Variants in DLGAP1 observed in about 807,000 individuals in gnomAD.
The protein encoded by DLGAP1 is disks large-associated protein 1.
DLGAP1 carries 11 observed loss-of-function variants against 90.8 expected under a neutral mutation model. The ratio of observed to expected loss-of-function variants is 0.12; its 90% CI spans 0.08 to 0.20. The LOEUF (loss-of-function observed/expected upper bound fraction) is 0.20, where lower values mean the gene tolerates loss of function less well. Among genes scored for constraint, DLGAP1 ranks in the 10% least tolerant of loss-of-function variants. The pLI is 1.00. For synonymous variants in DLGAP1, 558 were observed against 540.7 expected, an observed-to-expected ratio of 1.03 and a Z score of -0.44; for missense variants, 1,050 against 1,333.8, an observed-to-expected ratio of 0.79 and a Z score of 3.31.
intron 5 of DLGAP1, among the ~76,000 whole-genome samples, chr18:3,777,585 CT>C (rs970116217): frequency 1.3e-5 from 2 of 151,886 alleles, no homozygotes; most frequent in Non-Finnish European, 2.9e-5. Flanking sequence ...AGTTCTAAGC[CT>C]TTTTATTTGG....
chr18:4,322,892 C>T (rs1047000061), intron 1 of DLGAP1, among the ~76,000 whole-genome samples: 8 of 127,086 alleles, frequency 6.3e-5, no homozygotes, highest in South Asian at 2.7e-4. Flanking sequence ...ACCCGGGAGG[C>T]GGAGATTGCA....
chr18:3,628,355 G>A (rs1399363551), intron 7 of DLGAP1, among the ~76,000 whole-genome samples: 1 of 151,296 alleles, frequency 6.6e-6, no homozygotes, highest in African/African-American at 2.4e-5. Flanking sequence ...ACACTCAGAC[G>A]ATTTTTGTAT....
intron 4 of DLGAP1, among the ~76,000 whole-genome samples, chr18:3,859,191 A>G (rs965682166): frequency 1.3e-5 from 2 of 152,214 alleles, no homozygotes; most frequent in Admixed American, 6.5e-5. Context: ...ATTCTTTTAA[A>G]ATAATCTAAA....
intron 1 of DLGAP1, among the ~76,000 whole-genome samples, chr18:4,221,857 T>G (rs1310458315): frequency 6.6e-6 from 1 of 152,172 alleles, no homozygotes; most frequent in Non-Finnish European, 1.5e-5. Context: ...TAAATGGCGA[T>G]TTTTCAGTGT....
chr18:4,195,503 C>T (rs2077480373), intron 1 of DLGAP1, among the ~76,000 whole-genome samples: 1 of 152,110 alleles, frequency 6.6e-6, no homozygotes, highest in African/African-American at 2.4e-5. Flanking sequence ...TTTAAAATTG[C>T]CATTCAACTA....
At chr18:3,534,082 G>A in intron 10 of DLGAP1, 112 bp downstream of exon 10, 1 of 1,225,120 alleles carries the variant, frequency 8.2e-7, no homozygotes. Context: ...TTGGGGTGTG[G>A]AACGTCAAGG....
chr18:3,933,349 A>G (rs773250685), intron 3 of DLGAP1, among the ~76,000 whole-genome samples: 30 of 152,238 alleles, frequency 2.0e-4, no homozygotes, highest in Non-Finnish European at 3.4e-4. Context: ...ATCACGGTTC[A>G]GGTTGCAGAA....
chr18:3,513,515 G>A (rs1432849709), intron 10 of DLGAP1, among the ~76,000 whole-genome samples: 1 of 152,204 alleles, frequency 6.6e-6, no homozygotes, highest in Non-Finnish European at 1.5e-5. Context: ...TAATAAGTCA[G>A]TGGGAGAGTT....
At position 3,856,981 on chromosome 18, in the gene DLGAP1, G is replaced by T. The variant is rs148845277; in HGVS notation, c.957+22131C>A. On this transcript the variant is annotated intron_variant, in intron 4 of 12. Coordinates refer to ENST00000315677, the MANE Select transcript of DLGAP1 (RefSeq NM_004746.4). ...TGTATTAAATTATTTATAATATAAA[G>T]AAATACAGCTGATTATTTAGTATAA... 2.7e-3 allele frequency among the ~76,000 whole-genome samples: 410 copies of T among 152,018 alleles called. 2 individuals are homozygous for T. Among genetic ancestry groups the T allele is most frequent in the African/African-American group, 8.7e-3 (359 of 41,482 alleles).
At chr18:3,599,852 T>A (rs1443279661) in intron 7 of DLGAP1, among the ~76,000 whole-genome samples, 1 of 151,850 alleles carries the variant, frequency 6.6e-6, no homozygotes, top group Non-Finnish European at 1.5e-5. Context: ...CTCTTGACCT[T>A]GTGATCCGCC....
chr18:3,699,956 T>C (rs981338604), intron 7 of DLGAP1, among the ~76,000 whole-genome samples: 4 of 152,140 alleles, frequency 2.6e-5, no homozygotes, highest in African/African-American at 4.8e-5. Context: ...GCCTCAGCAA[T>C]GGTGGACGCC....
chr18:3,808,172 T>A (rs537111859), intron 5 of DLGAP1, among the ~76,000 whole-genome samples: 1 of 152,360 alleles, frequency 6.6e-6, no homozygotes, highest in East Asian at 1.9e-4. Flanking sequence ...GGTATTTAGA[T>A]AATTTGTAGA....
rs142315902 is a variant in DLGAP1, at chr18:4,059,848, G to T, written c.-158-54647C>A. Among the ~76,000 whole-genome samples the T allele has an allele frequency of 4.5e-3, 685 of 152,300 alleles. 4 individuals are homozygous for T. The highest frequency in any genetic ancestry group is 0.016 in the African/African-American group (646 of 41,574). On this transcript the variant is annotated intron_variant, in intron 2 of 12. Transcript: ENST00000315677. Reference sequence around the variant, plus strand: ...TTATAACTGAGATTAGAACAAGGAGGACAGGGCTAAGGAGAAAGAGAAATG... The same window carrying T: ...TTATAACTGAGATTAGAACAAGGAGTACAGGGCTAAGGAGAAAGAGAAATG...
chr18:4,221,061 G>A (rs1204063474), intron 1 of DLGAP1, among the ~76,000 whole-genome samples: 2 of 152,176 alleles, frequency 1.3e-5, no homozygotes, highest in African/African-American at 2.4e-5. Flanking sequence ...GTACATAGTA[G>A]TCTCTACCAT....
At chr18:4,386,472 T>C (rs535940937) in intron 1 of DLGAP1, among the ~76,000 whole-genome samples, 5 of 152,322 alleles carry the variant, frequency 3.3e-5, no homozygotes, top group Admixed American at 6.5e-5. Flanking sequence ...AATTATCAAA[T>C]ATAACTATAG....
chr18:4,226,972 A>G (rs1230184196), intron 1 of DLGAP1, among the ~76,000 whole-genome samples: 2 of 151,972 alleles, frequency 1.3e-5, no homozygotes, highest in Admixed American at 6.6e-5. Context: ...AGGGCACTTC[A>G]CCTATAAAGA....
intron 2 of DLGAP1, among the ~76,000 whole-genome samples, chr18:4,138,745 C>A (rs963508572): frequency 1.3e-5 from 2 of 152,040 alleles, no homozygotes; most frequent in Non-Finnish European, 2.9e-5. Flanking sequence ...TGTTAAAATT[C>A]ATCAGTGAAA....
At chr18:4,203,478 C>T (rs1568448793) in intron 1 of DLGAP1, among the ~76,000 whole-genome samples, 3 of 152,104 alleles carry the variant, frequency 2.0e-5, no homozygotes, top group Admixed American at 6.5e-5. Flanking sequence ...ATCAATTAAT[C>T]TTTTAAAAAC....
intron 1 of DLGAP1, among the ~76,000 whole-genome samples, chr18:4,338,644 A>G (rs1371136978): frequency 6.6e-6 from 1 of 152,222 alleles, no homozygotes; most frequent in African/African-American, 2.4e-5. Flanking sequence ...AGGAGTGTAC[A>G]TTCTTTGTAT....
Sources: allele counts gnomAD v4.1 joint callset (sites outside exome capture counted in the v4.1 genomes callset), GRCh38; gene constraint gnomAD v4.1.1; transcripts MANE v1.5; gene names NCBI Gene and HGNC (gene_info 2026-07-23, HGNC 2026-07-21).